Variants in CLMN observed in about 807,000 individuals in gnomAD.
The protein encoded by CLMN is calmin.
Under a neutral mutation model 92.7 loss-of-function variants are expected in CLMN, and 57 were observed. The ratio of observed to expected loss-of-function variants is 0.61; its 90% confidence interval spans 0.50 to 0.77. The LOEUF (loss-of-function observed/expected upper bound fraction) is 0.77. Ranked by LOEUF, CLMN falls within the 30% of genes least tolerant of loss-of-function variation. The pLI, the probability that CLMN is intolerant of heterozygous loss-of-function variation, is 0.00. For synonymous variants in CLMN, 466 were observed against 470.6 expected, an observed-to-expected ratio of 0.99 and a Z score of 0.13; for missense variants, 1,158 against 1,237.5, an observed-to-expected ratio of 0.94 and a Z score of 0.96.
Position 95,194,699 on chromosome 14 carries a change from AAGCGACAACTTCAC to A in CLMN, c.2709-117_2709-104del. 1.0e-6 allele frequency: 1 copy of A among 998,748 alleles called. No individual in the cohort carries two copies. Among genetic ancestry groups the A allele is most frequent in the South Asian group, 1.3e-5 (1 of 74,714 alleles). The allele number at this position is 998,748 out of a possible 1,614,324, so 61.9% of individuals were successfully genotyped here. A position where few individuals can be genotyped will look rare whatever the true frequency, so the allele number is the denominator to read the frequency against. ...GGGGTTTCCACGTATGGGTTTAGGC[AAGCGACAACTTCAC>A]AGCCAGGGACAGAAATGACAGATTT... On this transcript the variant is annotated intron_variant, in intron 10 of 12. Transcript: ENST00000298912. This position sits in a 1 kb window ranked among gnomAD's most constrained non-coding sequence, Gnocchi z 4.0.
intron 1 of CLMN, among the ~76,000 whole-genome samples, chr14:95,246,321 G>A (rs1455359864): frequency 1.3e-5 from 2 of 152,230 alleles, no homozygotes; most frequent in African/African-American, 4.8e-5. Flanking sequence ...TAAACCTGCT[G>A]AACCTGCCTC....
intron 1 of CLMN, among the ~76,000 whole-genome samples, chr14:95,246,492 G>A (rs1299965369): frequency 6.6e-6 from 1 of 152,136 alleles, no homozygotes; most frequent in African/African-American, 2.4e-5. Context: ...TTTTTGAGAT[G>A]GAGTCTCGCT....
chr14:95,265,009 G>A (rs1221713352), intron 1 of CLMN, among the ~76,000 whole-genome samples: 14 of 151,920 alleles, frequency 9.2e-5, no homozygotes, highest in Non-Finnish European at 1.6e-4. Flanking sequence ...CACTTTGAGA[G>A]GCCAAGGCAG....
chr14:95,295,537 G>A (rs999752171), intron 1 of CLMN, among the ~76,000 whole-genome samples: 1 of 152,212 alleles, frequency 6.6e-6, no homozygotes, highest in Non-Finnish European at 1.5e-5. Flanking sequence ...TCTGCCCGGG[G>A]GTGGTGTCAG....
intron 1 of CLMN, among the ~76,000 whole-genome samples, chr14:95,234,541 C>T (rs564159265): frequency 4.6e-5 from 7 of 152,310 alleles, no homozygotes; most frequent in African/African-American, 1.4e-4. Flanking sequence ...TTGTGGGGCC[C>T]GGTGTGGGTT....
chr14:95,209,600 C>T (rs1897139043), intron 7 of CLMN, 123 bp from the exon 8 acceptor site: 4 of 770,714 alleles, frequency 5.2e-6, no homozygotes, highest in Non-Finnish European at 6.8e-6. Context: ...TTATTTTCCA[C>T]TTGAGGAACT....
intron 1 of CLMN, among the ~76,000 whole-genome samples, chr14:95,318,743 A>C (rs773531983): frequency 6.6e-6 from 1 of 152,168 alleles, no homozygotes; most frequent in Non-Finnish European, 1.5e-5. Context: ...AATGTGGGTG[A>C]AGAAGGGCCG....
In CLMN at chr14:95,183,954, G is replaced by A. The variant is rs943810675; in HGVS notation, c.*7610C>T. ...TGGCTTAAACTTCCTCTTGCAAAAA[G>A]GCCTGAGTTAGATTTGAGACAGGGT... On this transcript the variant is annotated 3_prime_UTR_variant, in exon 13 of 13. Transcript: ENST00000298912. 1.6e-4 allele frequency: 24 copies of A among 152,232 alleles called. No individual in the cohort carries two copies. The highest frequency in any genetic ancestry group is 5.5e-4 in the African/African-American group (23 of 41,530). 9.4% of individuals were successfully genotyped at this position (152,232 alleles called of 1,614,324 possible).
intron 1 of CLMN, among the ~76,000 whole-genome samples, chr14:95,245,177 T>TATATATATATATATA (rs1898418170): frequency 2.8e-5 from 1 of 35,814 alleles, no homozygotes. Flanking sequence ...GGTTATATTA[T>TATATATATATATATA]ATATATATAT....
chr14:95,289,747 G>T (rs1031141713), intron 1 of CLMN, among the ~76,000 whole-genome samples: 1 of 152,072 alleles, frequency 6.6e-6, no homozygotes, highest in African/African-American at 2.4e-5. Context: ...CTCGGCTGTT[G>T]TCCTCTCTGT....
At chr14:95,220,358 G>C (rs988358051) in intron 4 of CLMN, among the ~76,000 whole-genome samples, 7 of 151,938 alleles carry the variant, frequency 4.6e-5, no homozygotes, top group Admixed American at 4.6e-4. Flanking sequence ...TGCATTTTTA[G>C]TAGAGATGGC....
At chr14:95,277,570 G>A (rs1331404123) in intron 1 of CLMN, among the ~76,000 whole-genome samples, 2 of 152,224 alleles carry the variant, frequency 1.3e-5, no homozygotes, top group East Asian at 1.9e-4. Context: ...GGAGGTCAAT[G>A]GAGACTGCCC....
intron 1 of CLMN, among the ~76,000 whole-genome samples, chr14:95,289,841 C>T (rs891527651): frequency 1.3e-5 from 2 of 152,236 alleles, no homozygotes; most frequent in Non-Finnish European, 2.9e-5. Flanking sequence ...CACTGGCTGC[C>T]TTAGCCTACT....
intron 6 of CLMN, among the ~76,000 whole-genome samples, chr14:95,212,345 C>T (rs1052922992): frequency 6.6e-5 from 10 of 152,192 alleles, no homozygotes; most frequent in Non-Finnish European, 1.2e-4. Flanking sequence ...GGAGCTGGGG[C>T]GGCCCCGAGT....
intron 1 of CLMN, among the ~76,000 whole-genome samples, chr14:95,251,171 C>T (rs1019077889): frequency 6.6e-6 from 1 of 152,102 alleles, no homozygotes; most frequent in African/African-American, 2.4e-5. Context: ...GTCGCAGGGC[C>T]AAAGGCAACG....
chr14:95,288,154 A>T (rs1011290625), intron 1 of CLMN, among the ~76,000 whole-genome samples: 4 of 152,196 alleles, frequency 2.6e-5, no homozygotes, highest in African/African-American at 4.8e-5. Context: ...ATACTGCCAC[A>T]GTGGTATCCC....
intron 5 of CLMN, 34 bp from the exon 6 acceptor site, chr14:95,213,443 C>T: frequency 3.2e-6 from 5 of 1,569,792 alleles, no homozygotes; most frequent in Non-Finnish European, 4.3e-6. Flanking sequence ...ACCCCAGCAA[C>T]AGACCCACCC....
intron 1 of CLMN, among the ~76,000 whole-genome samples, chr14:95,268,794 CTTTTTTTTT>C (rs985091508): frequency 4.8e-5 from 3 of 63,112 alleles, no homozygotes; most frequent in African/African-American, 7.6e-5. Context: ...CTCTCTCTCT[CTTTTTTTTT>C]TTTTTTTTTT....
intron 6 of CLMN, among the ~76,000 whole-genome samples, chr14:95,212,840 CAGTGG>C (rs1191422427): frequency 6.8e-6 from 1 of 147,974 alleles, no homozygotes; most frequent in Non-Finnish European, 1.5e-5. Flanking sequence ...GGCTGGAATG[CAGTGG>C]AGTGAACTCG....
Sources: gnomAD v4.1 joint callset for allele counts (sites outside exome capture counted in the v4.1 genomes callset) on GRCh38, gnomAD v4.1.1 for gene constraint, Gnocchi (gnomAD v3.1) non-coding constraint, MANE v1.5 for transcripts, NCBI Gene and HGNC (gene_info 2026-07-23, HGNC 2026-07-21) for gene names.